The following DNAH6 variants were observed in gnomAD, a reference collection of about 807,000 sequenced individuals.
DNAH6 encodes the protein dynein axonemal heavy chain 6.
A neutral mutation model predicts 491.4 loss-of-function variants in DNAH6; 340 were observed. That is an observed-to-expected ratio of 0.69 (90% CI 0.63 to 0.76). The LOEUF (loss-of-function observed/expected upper bound fraction) is 0.76, where lower values mean the gene tolerates loss of function less well. DNAH6 is among the 30% of genes least tolerant of loss of function. DNAH6 has a pLI of 0.00. For synonymous variants in DNAH6, 1,603 were observed against 1,686.1 expected, an observed-to-expected ratio of 0.95 and a Z score of 1.21; for missense variants, 4,443 against 4,972.2, an observed-to-expected ratio of 0.89 and a Z score of 3.20.
chr2:84,690,169 T>C (rs187122368), intron 45 of DNAH6, among the ~76,000 whole-genome samples: 47 of 152,350 alleles, frequency 3.1e-4, no homozygotes, highest in Non-Finnish European at 1.5e-5. Context: ...TTTGGTTTTT[T>C]TCCTGTGTCA....
the DNAH6 span, among the ~76,000 whole-genome samples, chr2:84,507,769 A>G: frequency 6.6e-6 from 1 of 152,220 alleles, no homozygotes; most frequent in Admixed American, 6.5e-5. Flanking sequence ...GAGAGTTTTT[A>G]GCATGAAGCA....
At position 84,657,032 on chromosome 2, in the gene DNAH6, T is replaced by C. The variant is rs553173811; in HGVS notation, c.5758-1260T>C. On this transcript the variant is annotated intron_variant, in intron 35 of 76. Coordinates refer to ENST00000389394, the MANE Select transcript of DNAH6 (RefSeq NM_001370.2). ...GAAGGGTATAAGGTCTGTGTCTAGA[T>C]TTGTTTTTTTGCATGTGTATATCCA... Among the ~76,000 whole-genome samples the C allele has an allele frequency of 3.0e-4, 46 of 152,222 alleles. No homozygotes were observed. The South Asian group carries it at 3.5e-3, about 12-fold the overall frequency.
At chr2:84,587,849 G>A (rs1400430455) in intron 15 of DNAH6, among the ~76,000 whole-genome samples, 1 of 152,140 alleles carries the variant, frequency 6.6e-6, no homozygotes, top group African/African-American at 2.4e-5. Context: ...GCTACCTTTT[G>A]GGCCATAGCA....
At chr2:84,606,763 A>G (rs1685812136) in intron 20 of DNAH6, among the ~76,000 whole-genome samples, 1 of 152,282 alleles carries the variant, frequency 6.6e-6, no homozygotes, top group Non-Finnish European at 1.5e-5. Context: ...AAATTTGGCA[A>G]TCAGAAGTCC....
At chr2:84,699,195 G>T (rs1194467762) in intron 47 of DNAH6, among the ~76,000 whole-genome samples, 1 of 144,074 alleles carries the variant, frequency 6.9e-6, no homozygotes, top group Non-Finnish European at 1.5e-5. Flanking sequence ...AGTTGAAAAA[G>T]AAAAAAAAAA....
rs191353634 is a variant in DNAH6, at chr2:84,588,774, G to A, written c.2482-52G>A. ...TTTATTAATTCATTTAATTTAATTG[G>A]TCTTTATCAAAAAGCAGGAATGGCT... On this transcript the variant is annotated intron_variant, in intron 15 of 76. Transcript: ENST00000389394. 5,459 of 1,408,178 alleles carry A rather than the reference G, an allele frequency of 3.9e-3. 22 individuals are homozygous for A. Among genetic ancestry groups the A allele is most frequent in the Middle Eastern group, 5.2e-3 (26 of 5,018 alleles). The allele number at this position is 1,408,178 out of a possible 1,614,324, so 87.2% of individuals were successfully genotyped here.
intron 4 of DNAH6, among the ~76,000 whole-genome samples, chr2:84,542,290 G>A (rs1678329886): frequency 6.6e-6 from 1 of 152,110 alleles, no homozygotes; most frequent in Non-Finnish European, 1.5e-5. Flanking sequence ...TAATTTCAGT[G>A]GCAAATTGAA....
chr2:84,470,151 C>T, the DNAH6 span, among the ~76,000 whole-genome samples: 5 of 152,062 alleles, frequency 3.3e-5, no homozygotes, highest in South Asian at 2.1e-4. Context: ...TTCTGTGGTT[C>T]GCCAGAAATA....
chr2:84,590,260 C>T (rs1009688737), intron 16 of DNAH6, among the ~76,000 whole-genome samples: 1 of 151,952 alleles, frequency 6.6e-6, no homozygotes, highest in Admixed American at 6.6e-5. Context: ...CTTTGGGAGG[C>T]CAAGGCTGGC....
chr2:84,575,339 C>T (rs1020220398), intron 12 of DNAH6, among the ~76,000 whole-genome samples: 2 of 152,136 alleles, frequency 1.3e-5, no homozygotes, highest in Non-Finnish European at 2.9e-5. Flanking sequence ...CACATCTCAC[C>T]ACCAAGTTCC....
chr2:84,709,614 A>G (rs1425220006), intron 55 of DNAH6, 68 bp downstream of exon 55: 5 of 1,498,704 alleles, frequency 3.3e-6, no homozygotes, highest in Non-Finnish European at 4.5e-6. Flanking sequence ...ATTAAAAATT[A>G]TAAAAGTGGG....
intron 72 of DNAH6, among the ~76,000 whole-genome samples, chr2:84,809,955 G>A (rs556385885): frequency 3.9e-5 from 6 of 152,176 alleles, no homozygotes; most frequent in Non-Finnish European, 7.3e-5. Flanking sequence ...GGCTGGGAAA[G>A]GAGTCTCTCG....
At chr2:84,679,237 C>T (rs184852211) in intron 41 of DNAH6, among the ~76,000 whole-genome samples, 1 of 152,236 alleles carries the variant, frequency 6.6e-6, no homozygotes, top group Admixed American at 6.5e-5. Context: ...TATCATTGTA[C>T]TTTCTTTGAT....
intron 51 of DNAH6, among the ~76,000 whole-genome samples, 184 bp from the exon 52 acceptor site, chr2:84,705,302 C>T (rs1696318946): frequency 6.6e-6 from 1 of 152,098 alleles, no homozygotes; most frequent in Non-Finnish European, 1.5e-5. Flanking sequence ...ACTTAGTCAC[C>T]CATTTTCTTT....
intron 76 of DNAH6, 94 bp downstream of exon 76, chr2:84,816,177 T>C: frequency 1.0e-6 from 1 of 995,238 alleles, no homozygotes; most frequent in South Asian, 1.7e-5. Flanking sequence ...AAGATCTCCC[T>C]TGGGCCAATA....
chr2:84,728,019 G>A, intron 61 of DNAH6, 117 bp downstream of exon 61: 1 of 677,420 alleles, frequency 1.5e-6, no homozygotes, highest in African/African-American at 1.8e-5. Context: ...CCTGGTGGGA[G>A]ATTACTGAAT....
At chr2:84,613,870 G>T (rs1269498406) in intron 22 of DNAH6, among the ~76,000 whole-genome samples, 1 of 152,018 alleles carries the variant, frequency 6.6e-6, no homozygotes, top group Non-Finnish European at 1.5e-5. Flanking sequence ...CCATTTTAAT[G>T]TAATAGAGCA....
At chr2:84,692,740 T>C (rs1261053197) in intron 45 of DNAH6, among the ~76,000 whole-genome samples, 1 of 152,188 alleles carries the variant, frequency 6.6e-6, no homozygotes, top group Admixed American at 6.5e-5. Context: ...GTTTTTAAAT[T>C]TCATTCATAC....
chr2:84,560,791 A>G (rs1680588452), intron 11 of DNAH6, among the ~76,000 whole-genome samples: 1 of 152,170 alleles, frequency 6.6e-6, no homozygotes, highest in Admixed American at 6.5e-5. Context: ...ACATCAACTC[A>G]TCATTTCTTA....
Sources: allele counts gnomAD v4.1 joint callset (sites outside exome capture counted in the v4.1 genomes callset), GRCh38; gene constraint gnomAD v4.1.1; transcripts MANE v1.5; gene names NCBI Gene and HGNC (gene_info 2026-07-23, HGNC 2026-07-21).